The following TBL1X variants were observed in gnomAD, a reference collection of about 807,000 sequenced individuals.
TBL1X encodes the protein transducin beta like 1 X-linked, also known as F-box-like/WD repeat-containing protein TBL1X.
Under a neutral mutation model 50.7 loss-of-function variants are expected in TBL1X, and 10 were observed. The ratio of observed to expected loss-of-function variants is 0.20; its 90% confidence interval spans 0.12 to 0.33. The LOEUF (loss-of-function observed/expected upper bound fraction) is 0.33, where lower values mean the gene tolerates loss of function less well. TBL1X is among the 10% of genes least tolerant of loss of function. The pLI, the probability that TBL1X is intolerant of heterozygous loss-of-function variation, is 1.00. For synonymous variants in TBL1X, 190 were observed against 214.7 expected, an observed-to-expected ratio of 0.88 and a Z score of 1.01; for missense variants, 340 against 504.4, an observed-to-expected ratio of 0.67 and a Z score of 3.12.
chrX:9,596,885 G>A (rs762731281), intron 2 of TBL1X, among the ~76,000 whole-genome samples: 2 of 111,060 alleles, frequency 1.8e-5, no homozygotes, highest in Non-Finnish European at 3.8e-5. Context: ...AGCCTTTCTA[G>A]GTCGTGCTGC....
rs1205173383 is a variant in TBL1X at position 9,696,140 on chromosome X, A to ATGG, written c.1054-1229_1054-1228insTGG. ...CCAATGTACATTTAACATAAACATC[A>ATGG]ACTAAGAGACCAGTCGCTGATGTAA... On this transcript the variant is annotated intron_variant, in intron 11 of 17. Transcript: ENST00000645353. Among the ~76,000 whole-genome samples the ATGG allele has an allele frequency of 2.7e-5, 3 of 112,935 alleles. No homozygotes were observed. In the East Asian group the frequency reaches 8.3e-4, roughly 31 times the overall value.
chrX:9,483,737 C>T (rs189115648), intron 1 of TBL1X, among the ~76,000 whole-genome samples: 208 of 109,838 alleles, frequency 1.9e-3, no homozygotes, highest in Admixed American at 4.1e-3. Context: ...CTCCCACCCC[C>T]ACCCAGGTGA....
intron 5 of TBL1X, among the ~76,000 whole-genome samples, chrX:9,659,068 T>C (rs867211730): frequency 9.1e-6 from 1 of 109,388 alleles, no homozygotes; most frequent in East Asian, 2.9e-4. Flanking sequence ...CAAGAGATCC[T>C]CCCCCCCGGC....
intron 1 of TBL1X, among the ~76,000 whole-genome samples, chrX:9,495,251 T>G (rs1569206771): frequency 9.0e-6 from 1 of 111,535 alleles, no homozygotes; most frequent in Non-Finnish European, 1.9e-5. Context: ...CCTACAAGTA[T>G]GTAGCCCTGA....
intron 2 of TBL1X, among the ~76,000 whole-genome samples, chrX:9,553,381 A>T (rs1467093245): frequency 8.9e-6 from 1 of 112,125 alleles, no homozygotes; most frequent in African/African-American, 3.2e-5. Flanking sequence ...TGAAGCCTTT[A>T]AAAAAGGACA....
In TBL1X at chrX:9,673,913, A is replaced by G. The variant is rs1221127030; in HGVS notation, c.212-10130A>G. 3.6e-5 allele frequency among the ~76,000 whole-genome samples: 4 copies of G among 111,917 alleles called. No individual in the cohort carries two copies. The Admixed American group carries it at 3.8e-4, about 11-fold the overall frequency. Reference sequence around the variant, plus strand: ...GAAACCCCATCTCTACTAAAACTACAAAATTAGCTGGGCATAGTGGTGCAT... The same window carrying G: ...GAAACCCCATCTCTACTAAAACTACGAAATTAGCTGGGCATAGTGGTGCAT... On this transcript the variant is annotated intron_variant, in intron 5 of 17. Transcript: ENST00000645353.
At chrX:9,629,636 C>T (rs1166486400) in intron 2 of TBL1X, among the ~76,000 whole-genome samples, 1 of 111,668 alleles carries the variant, frequency 9.0e-6, no homozygotes, top group African/African-American at 3.3e-5. Context: ...ATTAAAATGC[C>T]TGGCTCATGT....
intron 6 of TBL1X, among the ~76,000 whole-genome samples, chrX:9,684,466 T>C (rs1478004839): frequency 9.2e-6 from 1 of 108,829 alleles, no homozygotes; most frequent in Non-Finnish European, 1.9e-5. Flanking sequence ...TACGCACCTG[T>C]AGCCCCAGCT....
chrX:9,691,784 A>C, intron 8 of TBL1X, 73 bp downstream of exon 8: 6 of 1,159,118 alleles, frequency 5.2e-6, no homozygotes, highest in Non-Finnish European at 7.0e-6. Flanking sequence ...CCTTCTCTGG[A>C]GTTCTGCCTA....
chrX:9,715,909 G>A (rs1265316474), intron 17 of TBL1X, among the ~76,000 whole-genome samples: 1 of 112,248 alleles, frequency 8.9e-6, no homozygotes, highest in Non-Finnish European at 1.9e-5. Flanking sequence ...ACTTGGGCTC[G>A]TATTGTCATC....
intron 1 of TBL1X, among the ~76,000 whole-genome samples, chrX:9,493,920 C>T (rs1329599922): frequency 8.9e-6 from 1 of 111,906 alleles, no homozygotes; most frequent in Non-Finnish European, 1.9e-5. Flanking sequence ...CTAACCACCC[C>T]GTGACACTGG....
intron 2 of TBL1X, among the ~76,000 whole-genome samples, chrX:9,556,083 G>A (rs111473732): frequency 0.017 from 1,841 of 109,726 alleles, 38 homozygotes; most frequent in African/African-American, 0.058. Flanking sequence ...CAGCTACTTG[G>A]GAGGCTGAGG....
intron 3 of TBL1X, among the ~76,000 whole-genome samples, chrX:9,645,716 CT>C (rs1448247150): frequency 1.8e-5 from 2 of 111,722 alleles, no homozygotes; most frequent in African/African-American, 6.5e-5. Flanking sequence ...TATTGTATAT[CT>C]GATTGTGGGT....
intron 2 of TBL1X, among the ~76,000 whole-genome samples, chrX:9,569,568 G>A (rs1322823244): frequency 1.8e-5 from 2 of 112,008 alleles, no homozygotes; most frequent in Non-Finnish European, 3.8e-5. Context: ...TGTAGTCCCA[G>A]CACTTGAGGA....
intron 12 of TBL1X, among the ~76,000 whole-genome samples, chrX:9,704,127 C>G (rs1348651342): frequency 8.9e-6 from 1 of 112,116 alleles, no homozygotes; most frequent in Non-Finnish European, 1.9e-5. Flanking sequence ...ACCACCTGGA[C>G]CTGAGAAAGG....
At chrX:9,680,401 G>T (rs2083018768) in intron 5 of TBL1X, among the ~76,000 whole-genome samples, 1 of 111,956 alleles carries the variant, frequency 8.9e-6, no homozygotes, top group African/African-American at 3.2e-5. Context: ...TGTGTTGGGG[G>T]TCTGGCTGCT....
intron 6 of TBL1X, among the ~76,000 whole-genome samples, chrX:9,685,362 C>T (rs1204440994): frequency 8.9e-6 from 1 of 111,978 alleles, no homozygotes; most frequent in Non-Finnish European, 1.9e-5. Flanking sequence ...ACAGTCATGG[C>T]TTACTGCAGC....
At chrX:9,624,140 A>G (rs2082680856) in intron 2 of TBL1X, among the ~76,000 whole-genome samples, 1 of 112,356 alleles carries the variant, frequency 8.9e-6, no homozygotes, top group Non-Finnish European at 1.9e-5. Flanking sequence ...CTTTTTTGGA[A>G]CGAAGTTTAT....
At chrX:9,510,884 GC>G (rs2082052198) in intron 2 of TBL1X, among the ~76,000 whole-genome samples, 1 of 111,634 alleles carries the variant, frequency 9.0e-6, no homozygotes, top group East Asian at 2.8e-4. Context: ...GGGCTTGCCG[GC>G]CTCCACAATT....
Sources: allele counts gnomAD v4.1 joint callset (sites outside exome capture counted in the v4.1 genomes callset), GRCh38; gene constraint gnomAD v4.1.1; transcripts MANE v1.5; gene names NCBI Gene and HGNC (gene_info 2026-07-23, HGNC 2026-07-21).